The following SLMAP variants were observed in gnomAD, a reference collection of about 807,000 sequenced individuals.
The protein encoded by SLMAP is sarcolemmal membrane-associated protein.
In SLMAP, 44 loss-of-function variants were observed where a neutral mutation model predicts 128.8. That is an observed-to-expected ratio of 0.34 (90% CI 0.27 to 0.44). SLMAP has a LOEUF of 0.44. SLMAP is among the 20% of genes least tolerant of loss of function. The pLI, the probability that SLMAP is intolerant of heterozygous loss-of-function variation, is 1.00. For missense variants in SLMAP, 787 were observed against 985.3 expected, an observed-to-expected ratio of 0.80 and a Z score of 2.69; for synonymous variants, 327 against 348.8, an observed-to-expected ratio of 0.94 and a Z score of 0.70.
intron 2 of SLMAP, among the ~76,000 whole-genome samples, chr3:57,805,020 C>T (rs2089512909): frequency 6.6e-6 from 1 of 152,026 alleles, no homozygotes; most frequent in Non-Finnish European, 1.5e-5. Flanking sequence ...TTTTTTTAAT[C>T]TCTTGTGATC....
chr3:57,861,083 T>C (rs986408298), intron 9 of SLMAP, among the ~76,000 whole-genome samples: 6 of 152,194 alleles, frequency 3.9e-5, no homozygotes, highest in African/African-American at 1.4e-4. Context: ...TTGTTTGCAT[T>C]CTGCTTAGGA....
chr3:57,858,722 C>T (rs2094905538), intron 8 of SLMAP, among the ~76,000 whole-genome samples: 2 of 152,038 alleles, frequency 1.3e-5, no homozygotes, highest in Admixed American at 1.3e-4. Context: ...GCGGGCGAAT[C>T]ACCTGAGCTC....
At chr3:57,777,687 TTAAA>T (rs2082207800) in intron 2 of SLMAP, among the ~76,000 whole-genome samples, 1 of 152,164 alleles carries the variant, frequency 6.6e-6, no homozygotes, top group Non-Finnish European at 1.5e-5. Flanking sequence ...AATAAGTTGT[TTAAA>T]TAAAAGACAA....
intron 3 of SLMAP, among the ~76,000 whole-genome samples, chr3:57,840,117 G>A (rs985675971): frequency 2.6e-5 from 4 of 151,808 alleles, no homozygotes; most frequent in African/African-American, 9.7e-5. Context: ...CACTGAGCCC[G>A]GCCTAATTTT....
chr3:57,822,141 G>A (rs1273265302), intron 2 of SLMAP, among the ~76,000 whole-genome samples: 1 of 152,140 alleles, frequency 6.6e-6, no homozygotes, highest in African/African-American at 2.4e-5. Context: ...GTGCCAAGTA[G>A]ATGTTACAGA....
At position 57,917,085 on chromosome 3, in the gene SLMAP, G is replaced by A. The variant is rs1390124767; in HGVS notation, c.2310+8G>A. On this transcript the variant is annotated splice_region_variant and intron_variant, in intron 22 of 24. Coordinates refer to ENST00000671191, the MANE Select transcript of SLMAP (RefSeq NM_001377540.1). ...AAGGATGTGCAGAAAGAGGTAAAGC[G>A]AAAAGACATTATGAGCCCAATTATG... 1.6e-5 allele frequency: 26 copies of A among 1,613,450 alleles called. No individual in the cohort carries two copies. The highest frequency in any genetic ancestry group is 5.3e-5 in the African/African-American group (4 of 74,874).
chr3:57,908,545 A>T (rs1395120345), intron 18 of SLMAP, among the ~76,000 whole-genome samples: 1 of 152,174 alleles, frequency 6.6e-6, no homozygotes, highest in Non-Finnish European at 1.5e-5. Context: ...TAGTAGGAAG[A>T]TTTACATCCC....
At chr3:57,770,380 T>C (rs563677209) in intron 2 of SLMAP, among the ~76,000 whole-genome samples, 1 of 152,322 alleles carries the variant, frequency 6.6e-6, no homozygotes, top group African/African-American at 2.4e-5. Context: ...AGTAGGGCTT[T>C]GCTAGCTGGA....
chr3:57,884,438 G>C (rs910048916), intron 14 of SLMAP, among the ~76,000 whole-genome samples: 1 of 152,118 alleles, frequency 6.6e-6, no homozygotes, highest in African/African-American at 2.4e-5. Context: ...CTCGTCAACA[G>C]GCTTATATTC....
intron 10 of SLMAP, among the ~76,000 whole-genome samples, chr3:57,863,615 A>G (rs1008529750): frequency 1.3e-5 from 2 of 152,264 alleles, no homozygotes; most frequent in Middle Eastern, 3.4e-3. Context: ...AGGGTCTGGG[A>G]GAGGTGCCAG....
At chr3:57,867,289 A>G (rs535652664) in intron 13 of SLMAP, among the ~76,000 whole-genome samples, 1 of 152,350 alleles carries the variant, frequency 6.6e-6, no homozygotes, top group South Asian at 2.1e-4. Flanking sequence ...CCTTCAGTTA[A>G]GAGAATCGTT....
intron 2 of SLMAP, among the ~76,000 whole-genome samples, chr3:57,821,338 CA>C (rs1421285385): frequency 6.6e-6 from 1 of 152,150 alleles, no homozygotes; most frequent in Non-Finnish European, 1.5e-5. Flanking sequence ...GGCAAATTAA[CA>C]TCATTTGTAA....
chr3:57,919,742 C>A (rs916535594), intron 22 of SLMAP, among the ~76,000 whole-genome samples: 1 of 151,756 alleles, frequency 6.6e-6, no homozygotes, highest in African/African-American at 2.4e-5. Flanking sequence ...TTGTGGTAAG[C>A]CAAGATCGCA....
At chr3:57,830,065 C>T (rs1030605010) in intron 2 of SLMAP, among the ~76,000 whole-genome samples, 12 of 152,162 alleles carry the variant, frequency 7.9e-5, no homozygotes, top group South Asian at 2.1e-4. Context: ...GATGGAGTCT[C>T]GCTCTGTTGT....
At chr3:57,866,254 G>A (rs1180347719) in intron 13 of SLMAP, among the ~76,000 whole-genome samples, 3 of 150,844 alleles carry the variant, frequency 2.0e-5, no homozygotes, top group East Asian at 3.9e-4. Context: ...CCTGGGTGAC[G>A]AGCAAGGCCC....
rs143552621 is a variant in SLMAP at position 57,882,960 on chromosome 3, G to T, written c.1301-7081G>T. Among the ~76,000 whole-genome samples, 586 of 151,896 alleles carry T rather than the reference G, an allele frequency of 3.9e-3. 1 individual carries two copies. The highest frequency in any genetic ancestry group is 6.0e-3 in the Non-Finnish European group (410 of 67,970). On this transcript the variant is annotated intron_variant, in intron 14 of 24. Transcript: ENST00000671191. Reference sequence around the variant, plus strand: ...ACAGGCATTTGCAAACAACTATTATGTGTCAGAAGTGTGTTGGGAATTAAA... The same window carrying T: ...ACAGGCATTTGCAAACAACTATTATTTGTCAGAAGTGTGTTGGGAATTAAA...
chr3:57,771,061 C>A (rs994780922), intron 2 of SLMAP, among the ~76,000 whole-genome samples: 7 of 152,018 alleles, frequency 4.6e-5, no homozygotes, highest in African/African-American at 7.2e-5. Flanking sequence ...TTTCAGATTT[C>A]AAATTTTCAG....
chr3:57,763,376 G>A (rs938843500), intron 2 of SLMAP, among the ~76,000 whole-genome samples: 6 of 151,472 alleles, frequency 4.0e-5, no homozygotes, highest in Admixed American at 2.0e-4. Flanking sequence ...CTGGGTTCAA[G>A]CAATTCTCTT....
intron 3 of SLMAP, among the ~76,000 whole-genome samples, chr3:57,832,255 A>C (rs1489162606): frequency 6.6e-6 from 1 of 152,168 alleles, no homozygotes; most frequent in Non-Finnish European, 1.5e-5. Flanking sequence ...GTTTTGATTT[A>C]TTCCTTCAGG....
Sources: gnomAD v4.1 joint callset for allele counts (sites outside exome capture counted in the v4.1 genomes callset) on GRCh38, gnomAD v4.1.1 for gene constraint, MANE v1.5 for transcripts, NCBI Gene and HGNC (gene_info 2026-07-23, HGNC 2026-07-21) for gene names.